EPHX1: variants seen among roughly 807,000 people sequenced by gnomAD.
EPHX1 encodes epoxide hydrolase 1.
A neutral mutation model predicts 43.2 loss-of-function variants in EPHX1; 40 were observed. The observed-to-expected ratio is 0.93, with a 90% CI of 0.72 to 1.21. EPHX1 has a LOEUF of 1.21. Among genes scored for constraint, EPHX1 ranks in the 50% most tolerant of loss-of-function variants. The pLI, the probability that EPHX1 is intolerant of heterozygous loss-of-function variation, is 0.00. For synonymous variants in EPHX1, 221 were observed against 226.7 expected (o/e 0.98, Z 0.22); for missense variants, 550 against 570.4 (o/e 0.96, Z 0.36).
At chr1:225,833,714 G>A (rs1407907309) in intron 3 of EPHX1, among the ~76,000 whole-genome samples, 3 of 150,494 alleles carry the variant, frequency 2.0e-5, no homozygotes, top group Non-Finnish European at 4.4e-5. Context: ...AGAATGGCGT[G>A]AACCCAGGAG....
At chr1:225,843,706 C>G (rs1370288568) in intron 7 of EPHX1, among the ~76,000 whole-genome samples, 1 of 152,190 alleles carries the variant, frequency 6.6e-6, no homozygotes, top group Non-Finnish European at 1.5e-5. Flanking sequence ...CTAGAAAGAA[C>G]AGGAATACAC....
At chr1:225,830,820 C>G (rs933675504) in intron 2 of EPHX1, among the ~76,000 whole-genome samples, 1 of 152,110 alleles carries the variant, frequency 6.6e-6, no homozygotes, top group Admixed American at 6.6e-5. Context: ...TGTTGTATAT[C>G]AGGGGTCAGG....
intron 1 of EPHX1, among the ~76,000 whole-genome samples, chr1:225,813,783 G>A (rs1666595279): frequency 6.6e-6 from 1 of 152,156 alleles, no homozygotes; most frequent in South Asian, 2.1e-4. Context: ...TCCGTCTGTT[G>A]CCTGGTGGGT....
At chr1:225,829,557 C>A (rs1327006919) in intron 2 of EPHX1, among the ~76,000 whole-genome samples, 1 of 152,124 alleles carries the variant, frequency 6.6e-6, no homozygotes, top group Non-Finnish European at 1.5e-5. Context: ...GTGGGGTGAA[C>A]TGAGAATGCA....
intron 1 of EPHX1, among the ~76,000 whole-genome samples, chr1:225,818,081 T>C (rs554540519): frequency 6.6e-6 from 1 of 152,288 alleles, no homozygotes; most frequent in South Asian, 2.1e-4. Flanking sequence ...GGGGGCGTTA[T>C]AGTGCCTCAT....
In EPHX1 at chr1:225,837,642, C is replaced by T. The variant is rs532804354; in HGVS notation, c.365-1012C>T. Among the ~76,000 whole-genome samples, 272 of 152,200 alleles carry T rather than the reference C, an allele frequency of 1.8e-3. 1 individual carries two copies. The highest frequency in any genetic ancestry group is 2.8e-3 in the Non-Finnish European group (191 of 68,034). ...AAGCGATTCTCTTGCCTCAGCCTCC[C>T]GAGTAGCTGGAATTGCAGGCGCCTG... On this transcript the variant is annotated intron_variant, in intron 3 of 8. Coordinates refer to ENST00000272167, the MANE Select transcript of EPHX1 (RefSeq NM_001136018.4).
intron 3 of EPHX1, among the ~76,000 whole-genome samples, chr1:225,833,961 G>A (rs1336431986): frequency 1.1e-4 from 16 of 151,360 alleles, no homozygotes; most frequent in Non-Finnish European, 1.5e-4. Context: ...AGCCGGGCGT[G>A]GTGGCAGGCG....
At chr1:225,830,956 C>T (rs187608534) in intron 2 of EPHX1, among the ~76,000 whole-genome samples, 8 of 152,130 alleles carry the variant, frequency 5.3e-5, no homozygotes, top group Admixed American at 2.6e-4. Flanking sequence ...TAGTTTGTGA[C>T]GTGAAAATTA....
chr1:225,818,390 C>G (rs528813382), intron 1 of EPHX1, among the ~76,000 whole-genome samples: 1 of 152,130 alleles, frequency 6.6e-6, no homozygotes, highest in Non-Finnish European at 1.5e-5. Flanking sequence ...CAAATGTGAG[C>G]TCGACGAAGG....
chr1:225,821,565 C>CT (rs869228485), intron 1 of EPHX1, among the ~76,000 whole-genome samples: 1,067 of 69,746 alleles, frequency 0.015, 14 homozygotes, highest in East Asian at 0.034. Context: ...TTTTTTGGTT[C>CT]TTTTTTTTTT....
intron 3 of EPHX1, among the ~76,000 whole-genome samples, chr1:225,833,690 G>A (rs188736366): frequency 2.4e-4 from 37 of 151,894 alleles, no homozygotes; most frequent in African/African-American, 8.7e-4. Flanking sequence ...AGCTACTCGG[G>A]AGGATGAGGC....
At chr1:225,813,788 G>C (rs577178468) in intron 1 of EPHX1, among the ~76,000 whole-genome samples, 28 of 152,154 alleles carry the variant, frequency 1.8e-4, no homozygotes, top group Non-Finnish European at 3.4e-4. Context: ...CTGTTGCCTG[G>C]TGGGTGGGTG....
intron 8 of EPHX1, 83 bp downstream of exon 8, chr1:225,844,706 T>C (rs748158183): frequency 4.4e-6 from 7 of 1,585,730 alleles, no homozygotes; most frequent in Non-Finnish European, 6.0e-6. Flanking sequence ...GAAGGGCACT[T>C]GGTGGTGGGA....
chr1:225,814,829 G>C (rs1413849114), intron 1 of EPHX1, among the ~76,000 whole-genome samples: 2 of 152,238 alleles, frequency 1.3e-5, no homozygotes, highest in African/African-American at 4.8e-5. Flanking sequence ...CAAAATTGTA[G>C]CCCTCTTTCT....
chr1:225,833,795 T>TA (rs765544660), intron 3 of EPHX1, among the ~76,000 whole-genome samples: 26,739 of 108,612 alleles, frequency 0.25, 2,984 homozygotes, highest in East Asian at 0.31. Flanking sequence ...ACTCTGTCTT[T>TA]AAAAAAAAAA....
chr1:225,828,069 G>A, intron 1 of EPHX1, among the ~76,000 whole-genome samples: 1 of 152,276 alleles, frequency 6.6e-6, no homozygotes, highest in South Asian at 2.1e-4. Context: ...GAGGCTGTCG[G>A]GCGCCGTGGC....
intron 3 of EPHX1, among the ~76,000 whole-genome samples, chr1:225,834,041 T>C (rs1244688843): frequency 2.2e-5 from 3 of 135,968 alleles, no homozygotes; most frequent in African/African-American, 8.6e-5. Context: ...GAGCTTGCAG[T>C]GAGCCCAGAT....
At chr1:225,826,938 C>T (rs1046886077) in intron 1 of EPHX1, among the ~76,000 whole-genome samples, 6 of 151,866 alleles carry the variant, frequency 4.0e-5, no homozygotes, top group Admixed American at 1.3e-4. Context: ...GATAGAAACG[C>T]GGAGGTGGGG....
chr1:225,839,099 C>A, intron 4 of EPHX1, 118 bp from the exon 5 acceptor site: 1 of 1,536,780 alleles, frequency 6.5e-7, no homozygotes, highest in South Asian at 1.2e-5. Flanking sequence ...CCTCTGTGAG[C>A]TTTTCTGACC....
Sources: allele counts gnomAD v4.1 joint callset (sites outside exome capture counted in the v4.1 genomes callset), GRCh38; gene constraint gnomAD v4.1.1; transcripts MANE v1.5; gene names NCBI Gene and HGNC (gene_info 2026-07-23, HGNC 2026-07-21).